The following ST8SIA6 variants were observed in gnomAD, a reference collection of about 807,000 sequenced individuals.
ST8SIA6 encodes ST8 alpha-N-acetyl-neuraminide alpha-2,8-sialyltransferase 6, also known as alpha-2,8-sialyltransferase 8F.
In ST8SIA6, 39 loss-of-function variants were observed where a neutral mutation model predicts 33.6. That is an observed-to-expected ratio of 1.16 (90% CI 0.90 to 1.52). ST8SIA6 has a LOEUF of 1.52. Among genes scored for constraint, ST8SIA6 ranks in the 40% most tolerant of loss-of-function variants. The pLI, the probability that ST8SIA6 is intolerant of heterozygous loss-of-function variation, is 0.00. For missense variants in ST8SIA6, 441 were observed against 443.8 expected (o/e 0.99, Z 0.06); for synonymous variants, 172 against 167.2 (o/e 1.03, Z -0.22).
At chr10:17,386,415 T>C (rs1015081057) in intron 3 of ST8SIA6, among the ~76,000 whole-genome samples, 1 of 152,148 alleles carries the variant, frequency 6.6e-6, no homozygotes, top group African/African-American at 2.4e-5. Context: ...GGCACGCGCC[T>C]GTAGTCCCAG....
At chr10:17,453,408 C>A (rs950950630) in intron 2 of ST8SIA6, 151 bp downstream of exon 2, 2 of 498,152 alleles carry the variant, frequency 4.0e-6, no homozygotes, top group Non-Finnish European at 6.3e-6. Context: ...CCCCCCAACC[C>A]CGCGCCCTCT....
intron 3 of ST8SIA6, among the ~76,000 whole-genome samples, chr10:17,382,772 C>T (rs2131646075): frequency 6.6e-6 from 1 of 152,302 alleles, no homozygotes; most frequent in South Asian, 2.1e-4. Context: ...CCTCAAGGCC[C>T]AGGGACTACT....
intron 4 of ST8SIA6, among the ~76,000 whole-genome samples, chr10:17,339,279 C>G (rs1170659199): frequency 6.6e-6 from 1 of 152,048 alleles, no homozygotes; most frequent in Non-Finnish European, 1.5e-5. Flanking sequence ...GTTCACAGAC[C>G]GAGGCTAACG....
At chr10:17,425,705 AG>A (rs1011518056) in intron 2 of ST8SIA6, among the ~76,000 whole-genome samples, 1 of 138,502 alleles carries the variant, frequency 7.2e-6, no homozygotes, top group African/African-American at 2.5e-5. Flanking sequence ...GGTAGGAAGG[AG>A]GAAGGAAGGG....
At chr10:17,405,817 G>T (rs1270943456) in intron 2 of ST8SIA6, among the ~76,000 whole-genome samples, 1 of 151,030 alleles carries the variant, frequency 6.6e-6, no homozygotes, top group Admixed American at 6.6e-5. Flanking sequence ...AGGAGGTGGA[G>T]GTTGCAGTGA....
At chr10:17,441,950 C>T (rs566173585) in intron 2 of ST8SIA6, among the ~76,000 whole-genome samples, 29 of 151,508 alleles carry the variant, frequency 1.9e-4, no homozygotes, top group South Asian at 6.3e-4. Flanking sequence ...CTCACTGCAA[C>T]CTCCACCTCC....
intron 4 of ST8SIA6, among the ~76,000 whole-genome samples, chr10:17,338,636 A>G (rs115681416): frequency 1.5e-4 from 23 of 152,310 alleles, no homozygotes; most frequent in Admixed American, 3.9e-4. Context: ...AAATGCTTCA[A>G]AGCCTGTATA....
intron 2 of ST8SIA6, among the ~76,000 whole-genome samples, chr10:17,392,730 G>A (rs1247394894): frequency 6.6e-6 from 1 of 152,170 alleles, no homozygotes; most frequent in Admixed American, 6.5e-5. Flanking sequence ...TTGCTTGTCA[G>A]GATAGAATAG....
At chr10:17,415,453 G>T (rs988757560) in intron 2 of ST8SIA6, among the ~76,000 whole-genome samples, 1 of 152,178 alleles carries the variant, frequency 6.6e-6, no homozygotes, top group Non-Finnish European at 1.5e-5. Flanking sequence ...CAGGAGTCCA[G>T]ATGGGCTTTG....
At chr10:17,362,632 A>T (rs946216629) in intron 3 of ST8SIA6, among the ~76,000 whole-genome samples, 11 of 152,158 alleles carry the variant, frequency 7.2e-5, no homozygotes, top group Admixed American at 2.6e-4. Flanking sequence ...CCTTCCCCTC[A>T]GGACTTTGAG....
intron 2 of ST8SIA6, among the ~76,000 whole-genome samples, chr10:17,450,832 AAG>A: frequency 6.6e-6 from 1 of 152,172 alleles, no homozygotes; most frequent in Non-Finnish European, 1.5e-5. Flanking sequence ...TATTGCCAGA[AAG>A]AGTCTCTTCA....
intron 2 of ST8SIA6, among the ~76,000 whole-genome samples, chr10:17,439,561 G>T (rs1431264185): frequency 6.6e-6 from 1 of 152,210 alleles, no homozygotes; most frequent in African/African-American, 2.4e-5. Context: ...GATTACAGGC[G>T]TGAGCCACCA....
At chr10:17,436,239 C>G (rs1852249752) in intron 2 of ST8SIA6, among the ~76,000 whole-genome samples, 2 of 152,140 alleles carry the variant, frequency 1.3e-5, no homozygotes, top group Admixed American at 1.3e-4. Context: ...GTGTCCCCAC[C>G]CACATCTCAT....
At chr10:17,348,823 G>A (rs893184181) in intron 4 of ST8SIA6, among the ~76,000 whole-genome samples, 17 of 146,928 alleles carry the variant, frequency 1.2e-4, no homozygotes, top group South Asian at 6.9e-4. Context: ...GCTTCACCCA[G>A]CAGAATCTCA....
chr10:17,398,830 G>T, intron 2 of ST8SIA6, among the ~76,000 whole-genome samples: 1 of 152,126 alleles, frequency 6.6e-6, no homozygotes, highest in Non-Finnish European at 1.5e-5. Context: ...ACTGTAGAGG[G>T]ATGTAACAGG....
chr10:17,348,650 C>G (rs981206355), intron 4 of ST8SIA6, among the ~76,000 whole-genome samples: 2 of 152,212 alleles, frequency 1.3e-5, no homozygotes, highest in Non-Finnish European at 2.9e-5. Context: ...GCGCGCATCT[C>G]AGGCATTGTT....
chr10:17,411,665 T>G (rs1851454862), intron 2 of ST8SIA6, among the ~76,000 whole-genome samples: 1 of 152,248 alleles, frequency 6.6e-6, no homozygotes. Context: ...TCATTCTAAC[T>G]TGGCAGAGCC....
At chr10:17,372,230 CTATCTAAG>C (rs1391073394) in intron 3 of ST8SIA6, among the ~76,000 whole-genome samples, 1 of 152,150 alleles carries the variant, frequency 6.6e-6, no homozygotes, top group East Asian at 1.9e-4. Context: ...TAAGATAATG[CTATCTAAG>C]TATATTTCTA....
chr10:17,338,949 A>T (rs542376159), intron 4 of ST8SIA6, among the ~76,000 whole-genome samples: 1 of 152,182 alleles, frequency 6.6e-6, no homozygotes, highest in Non-Finnish European at 1.5e-5. Context: ...CTTAACTTTC[A>T]AGGAGTAGGT....
Sources: gnomAD v4.1 joint callset for allele counts (sites outside exome capture counted in the v4.1 genomes callset) on GRCh38, gnomAD v4.1.1 for gene constraint, MANE v1.5 for transcripts, NCBI Gene and HGNC (gene_info 2026-07-23, HGNC 2026-07-21) for gene names.